The following EXOC6 variants were observed in gnomAD, a reference collection of about 807,000 sequenced individuals.
EXOC6 encodes exocyst complex component 6, also known as SEC15-like 1.
In EXOC6, 60 loss-of-function variants were observed where a neutral mutation model predicts 112.5. That is an observed-to-expected ratio of 0.53 (90% confidence interval 0.43 to 0.66). EXOC6 has a LOEUF of 0.66. Ranked by LOEUF, EXOC6 falls within the 30% of genes least tolerant of loss-of-function variation. The pLI, the probability that EXOC6 is intolerant of heterozygous loss-of-function variation, is 0.00. For missense variants in EXOC6, 855 were observed against 957.1 expected (o/e 0.89, Z 1.41); for synonymous variants, 295 against 308.0 (o/e 0.96, Z 0.44).
chr10:92,893,201 T>C (rs960216182), intron 1 of EXOC6, 148 bp from the exon 2 acceptor site: 26 of 547,630 alleles, frequency 4.7e-5, no homozygotes, highest in Admixed American at 3.1e-4. Flanking sequence ...AGAAATAAAA[T>C]ACTTTCACGC....
chr10:92,871,324 T>G (rs1343022923), intron 1 of EXOC6, among the ~76,000 whole-genome samples: 1 of 148,516 alleles, frequency 6.7e-6, no homozygotes, highest in Non-Finnish European at 1.5e-5. Context: ...CCCAGGAGTT[T>G]GAGACCAGCC....
upstream of EXOC6, chr10:92,831,225 G>T: frequency 1.4e-6 from 1 of 696,492 alleles, no homozygotes; most frequent in South Asian, 1.5e-5. Context: ...GTAGAGGGAG[G>T]GTGGGGAGAG....
chr10:92,992,236 C>T (rs1043326261), intron 18 of EXOC6, among the ~76,000 whole-genome samples: 5 of 132,760 alleles, frequency 3.8e-5, no homozygotes, highest in African/African-American at 5.8e-5. Flanking sequence ...TTGCGTGAGC[C>T]GAGATCCTTC....
chr10:92,855,324 G>A (rs1847548098), intron 1 of EXOC6, among the ~76,000 whole-genome samples: 1 of 152,042 alleles, frequency 6.6e-6, no homozygotes, highest in Admixed American at 6.6e-5. Flanking sequence ...AGCCTCCTGA[G>A]TATCTGAAAC....
intron 13 of EXOC6, among the ~76,000 whole-genome samples, chr10:92,944,054 A>G (rs942833718): frequency 5.9e-5 from 9 of 152,114 alleles, no homozygotes; most frequent in Non-Finnish European, 1.3e-4. Flanking sequence ...CTCAAGGTTC[A>G]TCCTTGTTGT....
intron 20 of EXOC6, among the ~76,000 whole-genome samples, chr10:93,037,128 T>C (rs1219114934): frequency 6.6e-6 from 1 of 152,028 alleles, no homozygotes; most frequent in Admixed American, 6.6e-5. Flanking sequence ...TTTGCCAAAC[T>C]TCCTTTCTTC....
intron 1 of EXOC6, among the ~76,000 whole-genome samples, chr10:92,862,866 A>G (rs1281320386): frequency 6.6e-6 from 1 of 152,162 alleles, no homozygotes; most frequent in Non-Finnish European, 1.5e-5. Flanking sequence ...GCCTATGTTC[A>G]GTATTTGGGG....
At chr10:92,868,132 A>C (rs1187639782) in intron 1 of EXOC6, among the ~76,000 whole-genome samples, 2 of 152,146 alleles carry the variant, frequency 1.3e-5, no homozygotes, top group Admixed American at 1.3e-4. Context: ...ATTTTGAGTC[A>C]TAGGAAAGTT....
intron 17 of EXOC6, among the ~76,000 whole-genome samples, chr10:92,959,300 T>C (rs932433200): frequency 1.3e-5 from 2 of 152,174 alleles, no homozygotes; most frequent in East Asian, 1.9e-4. Flanking sequence ...GACATCCACA[T>C]GTAAAAAAAT....
intron 1 of EXOC6, among the ~76,000 whole-genome samples, chr10:92,870,571 T>G (rs1750136615): frequency 6.6e-6 from 1 of 152,226 alleles, no homozygotes; most frequent in African/African-American, 2.4e-5. Context: ...ATAAGTGAGA[T>G]TACTTTGTAG....
chr10:92,848,789 T>C (rs1847174322), intron 1 of EXOC6, among the ~76,000 whole-genome samples, 155 bp downstream of exon 1: 3 of 151,612 alleles, frequency 2.0e-5, no homozygotes, highest in South Asian at 2.1e-4. Context: ...GGCGGAACTC[T>C]AGCCGGTACC....
At chr10:92,840,251 G>A (rs552195770) in intron 1 of EXOC6, among the ~76,000 whole-genome samples, 28 of 152,014 alleles carry the variant, frequency 1.8e-4, no homozygotes, top group African/African-American at 6.5e-4. Context: ...CTTTATAAAT[G>A]TAAGATTTGT....
At chr10:93,038,041 A>C in intron 20 of EXOC6, among the ~76,000 whole-genome samples, 1 of 116,022 alleles carries the variant, frequency 8.6e-6, no homozygotes, top group South Asian at 3.1e-4. Flanking sequence ...CTCCGTCTCC[A>C]AAAAAAAAAA....
chr10:93,044,704 T>TC (rs1056707911), intron 20 of EXOC6, among the ~76,000 whole-genome samples: 3 of 152,204 alleles, frequency 2.0e-5, no homozygotes, highest in African/African-American at 4.8e-5. Flanking sequence ...CTATTTTTTT[T>TC]CCCACTAATT....
At chr10:92,963,370 T>C (rs118037537) in intron 17 of EXOC6, among the ~76,000 whole-genome samples, 15 of 152,276 alleles carry the variant, frequency 9.9e-5, no homozygotes, top group Non-Finnish European at 1.5e-4. Context: ...TGTATTTCCC[T>C]CTGAAAATTG....
rs554413875 is a variant in EXOC6, at chr10:92,930,885, G to A, written c.972+2463G>A. On this transcript the variant is annotated intron_variant, in intron 9 of 21. Transcript: ENST00000260762. ...TCCCAGCACTTTGGGAGGCCAAGGC[G>A]GGCGGATCATGAGGTCAAGAGATCG... 6.6e-5 allele frequency among the ~76,000 whole-genome samples: 10 copies of A among 152,084 alleles called. No individual in the cohort carries two copies. In the South Asian group the frequency reaches 8.3e-4, roughly 13 times the overall value.
chr10:92,867,947 A>G (rs1299776151), intron 1 of EXOC6, among the ~76,000 whole-genome samples: 10 of 152,188 alleles, frequency 6.6e-5, no homozygotes, highest in Non-Finnish European at 1.3e-4. Context: ...ACCCCAAAAT[A>G]TGCTAGATAG....
In EXOC6 at chr10:92,976,200, A is replaced by T. The variant is rs1337975854; in HGVS notation, c.1953+1968A>T. ...CCCAACAGCTCATTGAGAACGGGCC[A>T]TGATGACAGTGGCGATTTTGTGGAA... On this transcript the variant is annotated intron_variant, in intron 18 of 21. Coordinates refer to ENST00000260762, the MANE Select transcript of EXOC6 (RefSeq NM_019053.6). Among the ~76,000 whole-genome samples, 32 of 152,286 alleles carry T rather than the reference A, an allele frequency of 2.1e-4. 1 individual carries two copies. The East Asian group carries it at 6.0e-3, about 29-fold the overall frequency.
intron 1 of EXOC6, among the ~76,000 whole-genome samples, chr10:92,871,995 A>G (rs1848472107): frequency 6.6e-6 from 1 of 151,746 alleles, no homozygotes; most frequent in South Asian, 2.1e-4. Context: ...TTTTTAAAAA[A>G]CCTGTTTAGT....
Sources: gnomAD v4.1 joint callset for allele counts (sites outside exome capture counted in the v4.1 genomes callset) on GRCh38, gnomAD v4.1.1 for gene constraint, MANE v1.5 for transcripts, NCBI Gene and HGNC (gene_info 2026-07-23, HGNC 2026-07-21) for gene names.